Variants in ANKS1B observed in about 807,000 individuals in gnomAD.
ANKS1B encodes the protein ankyrin repeat and sterile alpha motif domain-containing protein 1B.
Under a neutral mutation model 148.3 loss-of-function variants are expected in ANKS1B, and 36 were observed. The ratio of observed to expected loss-of-function variants is 0.24; its 90% CI spans 0.19 to 0.32. The LOEUF (loss-of-function observed/expected upper bound fraction) is 0.32, where lower values mean the gene tolerates loss of function less well. Among genes scored for constraint, ANKS1B ranks in the 10% least tolerant of loss-of-function variants. ANKS1B has a pLI of 1.00. For synonymous variants in ANKS1B, 542 were observed against 560.8 expected, an observed-to-expected ratio of 0.97 and a Z score of 0.47; for missense variants, 1,157 against 1,542.6, an observed-to-expected ratio of 0.75 and a Z score of 4.19.
chr12:99,884,145 A>G (rs190614062), intron 1 of ANKS1B, among the ~76,000 whole-genome samples: 4 of 152,266 alleles, frequency 2.6e-5, no homozygotes, highest in East Asian at 1.9e-4. Flanking sequence ...TTAATAGTAA[A>G]TAAGTACATG....
intron 8 of ANKS1B, among the ~76,000 whole-genome samples, chr12:99,685,497 C>T (rs909168582): frequency 6.6e-6 from 1 of 152,028 alleles, no homozygotes; most frequent in African/African-American, 2.4e-5. Flanking sequence ...ACTGCTAGTA[C>T]AGCTACTATG....
At chr12:98,800,675 G>GATAT (rs3049844) in intron 21 of ANKS1B, among the ~76,000 whole-genome samples, 6,341 of 99,630 alleles carry the variant, frequency 0.064, 892 homozygotes, top group African/African-American at 0.13. Flanking sequence ...AGTGAGCAGA[G>GATAT]ATATATATAT....
At chr12:99,299,888 T>C (rs1445022042) in intron 12 of ANKS1B, among the ~76,000 whole-genome samples, 1 of 152,198 alleles carries the variant, frequency 6.6e-6, no homozygotes, top group African/African-American at 2.4e-5. Flanking sequence ...GCTTTAATGA[T>C]TTATTGCCTT....
rs2888395 is a variant in ANKS1B at position 99,327,041 on chromosome 12, T to G, written c.1756+72590A>C. The stretch of plus-strand genomic sequence containing the variant: ...ATATTATAATAAATATTATATATAT[T>G]TATATACAATTATATATAATACAAT... On this transcript the variant is annotated intron_variant, in intron 12 of 26. Transcript: ENST00000683438. Among the ~76,000 whole-genome samples, 375 of 136,290 alleles carry G rather than the reference T, an allele frequency of 2.8e-3. 7 individuals are homozygous for G. The highest frequency in any genetic ancestry group is 9.2e-3 in the African/African-American group (338 of 36,750). The allele number at this position is 136,290 out of a possible 152,430, so 89.4% of individuals were successfully genotyped here. A position where few individuals can be genotyped will look rare whatever the true frequency, so the allele number is the denominator to read the frequency against.
At chr12:99,611,409 G>A (rs971475518) in intron 9 of ANKS1B, among the ~76,000 whole-genome samples, 3 of 151,840 alleles carry the variant, frequency 2.0e-5, no homozygotes, top group Non-Finnish European at 4.4e-5. Context: ...TCAAATACAT[G>A]TTTGTTTGTT....
In ANKS1B at chr12:99,005,746, C is replaced by T. The variant is rs78370014; in HGVS notation, c.2778+47411G>A. On this transcript the variant is annotated intron_variant, in intron 17 of 26. Transcript: ENST00000683438. Reference sequence around the variant, plus strand: ...CCCTTGGGCTTTCTCAGTTATAAGACTCATAAAATAAAACCTTAACACAGA... The same window carrying T: ...CCCTTGGGCTTTCTCAGTTATAAGATTCATAAAATAAAACCTTAACACAGA... 8.2e-3 allele frequency among the ~76,000 whole-genome samples: 1,243 copies of T among 152,160 alleles called. 13 individuals are homozygous for T. The highest frequency in any genetic ancestry group is 0.028 in the African/African-American group (1,164 of 41,472).
At chr12:99,301,116 A>T (rs2081538559) in intron 12 of ANKS1B, among the ~76,000 whole-genome samples, 1 of 152,210 alleles carries the variant, frequency 6.6e-6, no homozygotes, top group African/African-American at 2.4e-5. Context: ...GGGCAGGAGA[A>T]GATGGATGTC....
chr12:99,148,687 G>A (rs2073985761), intron 15 of ANKS1B, among the ~76,000 whole-genome samples: 2 of 152,112 alleles, frequency 1.3e-5, no homozygotes, highest in African/African-American at 4.8e-5. Context: ...CAAGATAGTG[G>A]AAATGAGAAG....
intron 1 of ANKS1B, among the ~76,000 whole-genome samples, chr12:99,877,332 C>T (rs2092176061): frequency 1.3e-5 from 2 of 152,196 alleles, no homozygotes; most frequent in South Asian, 4.1e-4. Context: ...TTTCTAAATA[C>T]CATTTTTCTT....
chr12:98,807,921 G>T lies in ANKS1B; in HGVS notation c.3067-3C>A. 3.7e-6 allele frequency: 6 copies of T among 1,610,850 alleles called. No homozygotes were observed. The highest frequency in any genetic ancestry group is 5.1e-6 in the Non-Finnish European group (6 of 1,177,968). On this transcript the variant is annotated splice_polypyrimidine_tract_variant and splice_region_variant and intron_variant, in intron 19 of 26. Transcript: ENST00000683438. ...CATATTTCACAGACAGACGACTGCT[G>T]ATATAAACAGAAAACTATCTTATCT...
chr12:99,538,457 CAT>C (rs1173232664), intron 9 of ANKS1B, among the ~76,000 whole-genome samples: 1 of 152,004 alleles, frequency 6.6e-6, no homozygotes, highest in Non-Finnish European at 1.5e-5. Context: ...TAGTTTTCAT[CAT>C]AGAGATCATT....
intron 17 of ANKS1B, among the ~76,000 whole-genome samples, chr12:98,885,955 T>C (rs2099739042): frequency 6.7e-6 from 1 of 148,860 alleles, no homozygotes; most frequent in Non-Finnish European, 1.5e-5. Context: ...ACCAGCAAGA[T>C]GAAAAGAAAT....
At chr12:99,417,630 T>G (rs2152700307) in intron 11 of ANKS1B, among the ~76,000 whole-genome samples, 1 of 152,214 alleles carries the variant, frequency 6.6e-6, no homozygotes, top group East Asian at 1.9e-4. Context: ...TAAATATCAA[T>G]TTGGAACAAT....
intron 17 of ANKS1B, among the ~76,000 whole-genome samples, chr12:98,924,130 A>G (rs1010226879): frequency 2.6e-5 from 4 of 152,316 alleles, no homozygotes; most frequent in African/African-American, 7.2e-5. Context: ...GAGGTGGCAG[A>G]GGTCTGATTA....
chr12:98,735,574 G>GTGCC lies in ANKS1B; in HGVS notation c.747_750dup (p.Leu251GlyfsTer18), dbSNP rs770317784. 1 of 770,566 alleles carries GTGCC rather than the reference G, an allele frequency of 1.3e-6. No individual in the cohort carries two copies. The highest frequency in any genetic ancestry group is 1.7e-5 in the African/African-American group (1 of 59,172). The allele number at this position is 770,566 out of a possible 1,614,324, so 47.7% of individuals were successfully genotyped here. On this transcript the variant is annotated frameshift_variant, in exon 10 of 10. Transcript: ENST00000341752. LOFTEE classifies it high-confidence loss of function. ...ATTCAATTCTATCAAAATTTTCTGA[G>GTGCC]TGCCTCCTCAGTGTGTCTCTCTGAT...
intron 1 of ANKS1B, among the ~76,000 whole-genome samples, chr12:99,890,573 GT>G (rs2093044543): frequency 8.3e-4 from 2 of 2,412 alleles, no homozygotes; most frequent in South Asian, 0.015. Context: ...CATTCATGGT[GT>G]GTGTGTGTGT....
chr12:98,827,574 C>T (rs766320904), intron 19 of ANKS1B, among the ~76,000 whole-genome samples: 5 of 152,132 alleles, frequency 3.3e-5, no homozygotes, highest in South Asian at 2.1e-4. Flanking sequence ...CCCCTGCTTT[C>T]GAAAACCTCA....
intron 12 of ANKS1B, among the ~76,000 whole-genome samples, chr12:99,320,665 T>G (rs572411499): frequency 6.6e-6 from 1 of 152,200 alleles, no homozygotes; most frequent in South Asian, 2.1e-4. Context: ...GAGAGGTTTG[T>G]TATTACTGAT....
rs397851171 is a variant in ANKS1B at position 99,693,781 on chromosome 12, C to CTT, written c.1129-38573_1129-38572dup. On this transcript the variant is annotated intron_variant, in intron 8 of 26. Coordinates refer to ENST00000683438, the MANE Select transcript of ANKS1B (RefSeq NM_001352186.2). ...GGTCTTTCAACAAATATTTTTTGGA[C>CTT]TTTTTTTTTTTTTTTTTGAGATGGA... Among the ~76,000 whole-genome samples, 1,052 of 132,720 alleles carry CTT rather than the reference C, an allele frequency of 7.9e-3. 24 individuals carry two copies. Among genetic ancestry groups the CTT allele is most frequent in the African/African-American group, 0.026 (934 of 35,670 alleles). 87.1% of individuals were successfully genotyped at this position (132,720 alleles called of 152,430 possible).
Sources: gnomAD v4.1 joint callset for allele counts (sites outside exome capture counted in the v4.1 genomes callset) on GRCh38, gnomAD v4.1.1 for gene constraint, MANE v1.5 for transcripts, NCBI Gene and HGNC (gene_info 2026-07-23, HGNC 2026-07-21) for gene names.